TIAM1: variants seen among roughly 807,000 people sequenced by gnomAD.
The protein encoded by TIAM1 is rho guanine nucleotide exchange factor TIAM1.
In TIAM1, 65 loss-of-function variants were observed where a neutral mutation model predicts 163.5. The ratio of observed to expected loss-of-function variants is 0.40; its 90% CI spans 0.33 to 0.49. The LOEUF (loss-of-function observed/expected upper bound fraction) is 0.49. Ranked by LOEUF, TIAM1 falls within the 20% of genes least tolerant of loss-of-function variation. The pLI, the probability that TIAM1 is intolerant of heterozygous loss-of-function variation, is 0.77. For missense variants in TIAM1, 1,789 were observed against 2,044.7 expected, an observed-to-expected ratio of 0.87 and a Z score of 2.41; for synonymous variants, 833 against 810.1, an observed-to-expected ratio of 1.03 and a Z score of -0.48.
intron 23 of TIAM1, among the ~76,000 whole-genome samples, chr21:31,131,270 A>T (rs1379034588): frequency 6.6e-6 from 1 of 152,262 alleles, no homozygotes; most frequent in Non-Finnish European, 1.5e-5. Context: ...TTCAACAAAA[A>T]TGTACTAATT....
chr21:31,354,793 C>T (rs2076288369), intron 2 of TIAM1, among the ~76,000 whole-genome samples: 1 of 152,152 alleles, frequency 6.6e-6, no homozygotes, highest in African/African-American at 2.4e-5. Flanking sequence ...CAACCCTATG[C>T]TCTCAGATGC....
intron 1 of TIAM1, among the ~76,000 whole-genome samples, chr21:31,488,080 T>C (rs977774364): frequency 4.7e-4 from 72 of 152,318 alleles, no homozygotes; most frequent in African/African-American, 1.7e-3. Flanking sequence ...CACTTCGGCC[T>C]CCCGAAGTGC....
At position 31,260,448 on chromosome 21, in the gene TIAM1, AGGCTG is replaced by A. The variant is rs2072397749; in HGVS notation, c.963+5557_963+5561del. On this transcript the variant is annotated intron_variant, in intron 4 of 27. Coordinates refer to ENST00000541036, the MANE Select transcript of TIAM1 (RefSeq NM_001353694.2). Reference sequence around the variant, plus strand: ...AGACGGGGGTTTCACCATGTAGGCAAGGCTGGTCTCGAACTCCTGACCTGAAATGA... The same window carrying A: ...AGACGGGGGTTTCACCATGTAGGCAAGTCTCGAACTCCTGACCTGAAATGA... Among the ~76,000 whole-genome samples, 5 of 151,538 alleles carry A rather than the reference AGGCTG, an allele frequency of 3.3e-5. No homozygotes were observed. The South Asian group carries it at 1.0e-3, about 32-fold the overall frequency.
At chr21:31,398,158 CAAAAAAAAAAAA>C (rs34895602) in intron 2 of TIAM1, among the ~76,000 whole-genome samples, 11 of 52,508 alleles carry the variant, frequency 2.1e-4, no homozygotes, top group African/African-American at 3.8e-4. Flanking sequence ...ATCTTCAGGG[CAAAAAAAAAAAA>C]AAAAAAAAAA....
intron 16 of TIAM1, among the ~76,000 whole-genome samples, chr21:31,162,402 TAA>T (rs968098722): frequency 6.6e-6 from 1 of 151,962 alleles, no homozygotes; most frequent in Non-Finnish European, 1.5e-5. Context: ...TCAAATACCC[TAA>T]GTGAGAAATT....
intron 1 of TIAM1, among the ~76,000 whole-genome samples, chr21:31,521,433 A>C (rs770380377): frequency 2.6e-5 from 4 of 152,198 alleles, no homozygotes; most frequent in Non-Finnish European, 4.4e-5. Flanking sequence ...TGTAAACCAG[A>C]TATACACAAT....
chr21:31,425,065 AAAAAG>A (rs1159490381), intron 2 of TIAM1, among the ~76,000 whole-genome samples: 1 of 152,128 alleles, frequency 6.6e-6, no homozygotes, highest in South Asian at 2.1e-4. Flanking sequence ...ACAAAAAAAA[AAAAAG>A]AAAACAAAAC....
intron 7 of TIAM1, 60 bp from the exon 8 acceptor site, chr21:31,223,651 T>G (rs2087761670): frequency 1.3e-6 from 2 of 1,526,734 alleles, no homozygotes; most frequent in Admixed American, 2.0e-5. Flanking sequence ...AATGCTAATA[T>G]CTTTATCCTA....
chr21:31,334,851 G>A (rs550177443), intron 2 of TIAM1, among the ~76,000 whole-genome samples: 5 of 152,162 alleles, frequency 3.3e-5, no homozygotes, highest in African/African-American at 4.8e-5. Flanking sequence ...CAGCCTTTCC[G>A]GAGGTGAGCT....
chr21:31,523,789 T>G (rs2047685801), intron 1 of TIAM1, among the ~76,000 whole-genome samples: 1 of 151,950 alleles, frequency 6.6e-6, no homozygotes, highest in East Asian at 1.9e-4. Context: ...CCAGGCATGG[T>G]GGCCTGTAAT....
At chr21:31,208,601 C>T (rs779689112) in intron 11 of TIAM1, among the ~76,000 whole-genome samples, 10 of 152,130 alleles carry the variant, frequency 6.6e-5, no homozygotes, top group East Asian at 1.9e-4. Context: ...AGAGGTGATA[C>T]CATTTATTTT....
chr21:31,120,438 G>A lies in TIAM1; in HGVS notation c.4706C>T (p.Ala1569Val). Residue 1569 changes from alanine to valine, a missense_variant, in exon 28 of 28, where the codon GCA becomes GTA. Coordinates refer to ENST00000541036, the MANE Select transcript of TIAM1 (RefSeq NM_001353694.2). The surrounding 1 kb of genome is among the most constrained non-coding windows in gnomAD (Gnocchi z 4.2). ...CCTAACCCAAATGACTTCCTCGCTTGCGCTCTCCAGGCCTCCATTGATCCC... is the reference window on the plus strand; with the variant it reads ...CCTAACCCAAATGACTTCCTCGCTTACGCTCTCCAGGCCTCCATTGATCCC... ...LSGINGGLES[A>V]SEEVIWVRRE... 6.2e-7 allele frequency: 1 copy of A among 1,614,206 alleles called. No homozygotes were observed. The highest frequency in any genetic ancestry group is 8.5e-7 in the Non-Finnish European group (1 of 1,180,046).
At chr21:31,234,181 C>T (rs2088605456) in intron 6 of TIAM1, among the ~76,000 whole-genome samples, 1 of 151,984 alleles carries the variant, frequency 6.6e-6, no homozygotes, top group Non-Finnish European at 1.5e-5. Flanking sequence ...AAAGGAGAAG[C>T]CATGCCTGAA....
At chr21:31,347,507 T>C (rs925739379), upstream of TIAM1, among the ~76,000 whole-genome samples, 7 of 152,230 alleles carry the variant, frequency 4.6e-5, no homozygotes, top group African/African-American at 1.7e-4. Context: ...TCGTTTTGCT[T>C]TTTAAGTCAT....
At chr21:31,554,380 C>A (rs945449998) in intron 1 of TIAM1, among the ~76,000 whole-genome samples, 1 of 152,104 alleles carries the variant, frequency 6.6e-6, no homozygotes, top group African/African-American at 2.4e-5. Flanking sequence ...TTTCTTAAAA[C>A]CAAAGACACT....
chr21:31,123,179 T>G (rs1004036617), intron 27 of TIAM1, among the ~76,000 whole-genome samples: 2 of 152,236 alleles, frequency 1.3e-5, no homozygotes, highest in Admixed American at 6.5e-5. Flanking sequence ...CTAACCATGC[T>G]TAGTTTCAAA....
chr21:31,247,728 T>C lies in TIAM1; in HGVS notation c.1412-2068A>G, dbSNP rs74693491. Among the ~76,000 whole-genome samples the C allele has an allele frequency of 3.2e-3, 485 of 152,304 alleles. 3 individuals carry two copies. The highest frequency in any genetic ancestry group is 2.7e-3 in the Non-Finnish European group (182 of 68,028). ...TTTAGTTTGGGGTTTAAAAGTTGCATGGTACAATTTAAATACATACCTGTA... is the reference window on the plus strand; with the variant it reads ...TTTAGTTTGGGGTTTAAAAGTTGCACGGTACAATTTAAATACATACCTGTA... On this transcript the variant is annotated intron_variant, in intron 5 of 27. Transcript: ENST00000541036.
chr21:31,156,680 A>G (rs2083635552), intron 16 of TIAM1, among the ~76,000 whole-genome samples: 1 of 152,232 alleles, frequency 6.6e-6, no homozygotes, highest in Non-Finnish European at 1.5e-5. Context: ...TGATCCAGTG[A>G]TAACTGTAAT....
In TIAM1 at chr21:31,252,111, T is replaced by C. The variant is rs1391211583; in HGVS notation, c.1042A>G (p.Arg348Gly). ...CTGGAGTTGGTGGCATTAGATCGCCTGGACAGGAGGTCCGTGTCGGTAGTG... is the reference window on the plus strand; with the variant it reads ...CTGGAGTTGGTGGCATTAGATCGCCCGGACAGGAGGTCCGTGTCGGTAGTG... ...GATTDTDLLS[R>G]RSNATNSSYS... Residue 348 changes from arginine (R) to glycine (G), a missense_variant, in exon 5 of 28, where the codon AGG becomes GGG. Around this residue, in one of 5 missense-constraint regions of TIAM1, gnomAD observed 555 missense variants for 564.9 expected, o/e 0.98. Transcript: ENST00000541036. 1 of 1,613,612 alleles carries C rather than the reference T, an allele frequency of 6.2e-7. No homozygotes were observed. The highest frequency in any genetic ancestry group is 1.1e-5 in the South Asian group (1 of 91,090).
Sources: allele counts gnomAD v4.1 joint callset (sites outside exome capture counted in the v4.1 genomes callset), GRCh38; gene constraint gnomAD v4.1.1; regional missense constraint gnomAD v4.1.1; non-coding constraint Gnocchi (gnomAD v3.1); transcripts MANE v1.5; gene names NCBI Gene and HGNC (gene_info 2026-07-23, HGNC 2026-07-21).